Variants in UNC79 observed in about 807,000 individuals in gnomAD.
UNC79 encodes the protein protein unc-79 homolog.
A neutral mutation model predicts 283.1 loss-of-function variants in UNC79; 37 were observed. The ratio of observed to expected loss-of-function variants is 0.13; its 90% confidence interval spans 0.10 to 0.17. The LOEUF is 0.17. UNC79 is among the 10% of genes least tolerant of loss of function. The pLI, the probability that UNC79 is intolerant of heterozygous loss-of-function variation, is 1.00. For missense variants in UNC79, 2,272 were observed against 3,211.1 expected (o/e 0.71, Z 7.07); for synonymous variants, 1,107 against 1,200.2 (o/e 0.92, Z 1.61).
intron 20 of UNC79, among the ~76,000 whole-genome samples, chr14:93,583,861 A>G (rs2064011532): frequency 6.8e-6 from 1 of 147,160 alleles, no homozygotes; most frequent in Non-Finnish European, 1.5e-5. Flanking sequence ...GCTGGAGTGC[A>G]GGAGCCCGAT....
intron 48 of UNC79, 147 bp downstream of exon 51, chr14:93,704,813 G>T: frequency 1.0e-6 from 1 of 1,003,908 alleles, no homozygotes; most frequent in Non-Finnish European, 1.5e-6. Context: ...CAGGAGACCT[G>T]TGGGCCAGGT....
chr14:93,394,351 C>CTTTTATTTTATTTTATTTTATTTTA lies in UNC79; in HGVS notation c.-351+60865_-351+60889dup, dbSNP rs58906082. Among the ~76,000 whole-genome samples the CTTTTATTTTATTTTATTTTATTTTA allele has an allele frequency of 2.1e-3, 256 of 124,760 alleles. 3 individuals are homozygous for CTTTTATTTTATTTTATTTTATTTTA. The highest frequency in any genetic ancestry group is 2.2e-3 in the Non-Finnish European group (127 of 58,652). The allele number at this position is 124,760 out of a possible 152,430, so 81.8% of individuals were successfully genotyped here. ...TTTAATTTTTGCTTCATGCAATTGT[C>CTTTTATTTTATTTTATTTTATTTTA]TTTTATTTTATTTTATTTTATTTTA... On this transcript the variant is annotated intron_variant, in intron 1 of 49. Coordinates refer to the UNC79 transcript ENST00000256339.
exon 27 of UNC79, chr14:93,612,864 C>T (rs149617798): frequency 2.3e-4 from 367 of 1,614,144 alleles, no homozygotes; most frequent in Middle Eastern, 3.3e-4. Flanking sequence ...GGATCGACCA[C>T]CAGACAGTTC....
At chr14:93,634,290 T>A (rs1358003985) in intron 31 of UNC79, among the ~76,000 whole-genome samples, 2 of 152,226 alleles carry the variant, frequency 1.3e-5, no homozygotes, top group African/African-American at 4.8e-5. Context: ...GGGATAAATA[T>A]TTACAGGCGA....
chr14:93,588,990 A>G (rs1214995777), intron 22 of UNC79, among the ~76,000 whole-genome samples: 2 of 152,152 alleles, frequency 1.3e-5, no homozygotes, highest in African/African-American at 4.8e-5. Context: ...TAAGAATATT[A>G]GGTGTTGATG....
intron 14 of UNC79, among the ~76,000 whole-genome samples, chr14:93,570,700 T>C (rs954821392): frequency 6.6e-6 from 1 of 152,188 alleles, no homozygotes; most frequent in Non-Finnish European, 1.5e-5. Flanking sequence ...TCCTCCCCTA[T>C]GGGTAATTAG....
intron 2 of UNC79, among the ~76,000 whole-genome samples, chr14:93,470,709 T>A (rs1253297793): frequency 6.6e-6 from 1 of 152,238 alleles, no homozygotes; most frequent in Non-Finnish European, 1.5e-5. Flanking sequence ...GTACTCATTT[T>A]AATTTAGCAG....
At chr14:93,428,757 T>C (rs1421609092), upstream of UNC79, among the ~76,000 whole-genome samples, 1 of 152,208 alleles carries the variant, frequency 6.6e-6, no homozygotes, top group Non-Finnish European at 1.5e-5. Context: ...TATATACTTA[T>C]TTATTCCTGA....
At chr14:93,525,441 T>C (rs1411350881) in intron 8 of UNC79, among the ~76,000 whole-genome samples, 2 of 151,302 alleles carry the variant, frequency 1.3e-5, no homozygotes, top group African/African-American at 4.9e-5. Context: ...AGAGCAAGAC[T>C]CCATCTCGAA....
At chr14:93,598,454 A>G (rs1026596850) in intron 24 of UNC79, among the ~76,000 whole-genome samples, 3 of 151,212 alleles carry the variant, frequency 2.0e-5, no homozygotes, top group African/African-American at 4.9e-5. Flanking sequence ...CCACTTAGCT[A>G]GCTCCTGGGC....
chr14:93,398,531 A>T (rs2055043399), intron 1 of UNC79, among the ~76,000 whole-genome samples: 1 of 152,204 alleles, frequency 6.6e-6, no homozygotes, highest in Non-Finnish European at 1.5e-5. Flanking sequence ...ACTGGTCCAG[A>T]GAACTCTGTT....
intron 47 of UNC79, among the ~76,000 whole-genome samples, chr14:93,704,381 C>A (rs186947230): frequency 1.3e-5 from 2 of 152,170 alleles, no homozygotes; most frequent in African/African-American, 4.8e-5. Flanking sequence ...GACAATCAGT[C>A]ATTTACTCTA....
intron 14 of UNC79, among the ~76,000 whole-genome samples, chr14:93,551,698 A>G (rs554660474): frequency 2.6e-5 from 4 of 152,214 alleles, no homozygotes; most frequent in Non-Finnish European, 5.9e-5. Context: ...ATGGATACGC[A>G]TTGGTGAGGT....
chr14:93,682,866 A>T (rs1406633257), intron 42 of UNC79, among the ~76,000 whole-genome samples, 172 bp downstream of exon 45: 1 of 152,252 alleles, frequency 6.6e-6, no homozygotes, highest in Non-Finnish European at 1.5e-5. Context: ...GTCAAATGGG[A>T]TATAACAGGG....
At chr14:93,401,430 C>G (rs2055105847) in intron 1 of UNC79, among the ~76,000 whole-genome samples, 1 of 152,104 alleles carries the variant, frequency 6.6e-6, no homozygotes, top group Non-Finnish European at 1.5e-5. Flanking sequence ...AGGTAAATAT[C>G]AATTTGTACC....
intron 1 of UNC79, among the ~76,000 whole-genome samples, chr14:93,340,733 G>A (rs2053690624): frequency 6.6e-6 from 1 of 151,838 alleles, no homozygotes; most frequent in South Asian, 2.1e-4. Flanking sequence ...CACCATACCT[G>A]GATAATTTTT....
chr14:93,579,489 T>C (rs2063660076), intron 18 of UNC79, among the ~76,000 whole-genome samples: 4 of 152,164 alleles, frequency 2.6e-5, no homozygotes, highest in Admixed American at 2.6e-4. Flanking sequence ...TTCTTTCCCA[T>C]TTATGTGTTT....
At chr14:93,414,859 T>C (rs2055418147) in intron 1 of UNC79, among the ~76,000 whole-genome samples, 1 of 152,192 alleles carries the variant, frequency 6.6e-6, no homozygotes, top group Non-Finnish European at 1.5e-5. Context: ...GTGATTTTTG[T>C]ACATTGATTT....
intron 33 of UNC79, 140 bp from the exon 37 acceptor site, chr14:93,643,417 C>A: frequency 8.6e-7 from 1 of 1,156,826 alleles, no homozygotes; most frequent in Non-Finnish European, 1.2e-6. Flanking sequence ...GAATCCTCTA[C>A]TGATTACCAG....
Sources: allele counts gnomAD v4.1 joint callset (sites outside exome capture counted in the v4.1 genomes callset), GRCh38; gene constraint gnomAD v4.1.1; transcripts MANE v1.5; gene names NCBI Gene and HGNC (gene_info 2026-07-23, HGNC 2026-07-21).